Variants in PTK2B observed in about 807,000 individuals in gnomAD.
PTK2B encodes the protein protein tyrosine kinase 2 beta.
A neutral mutation model predicts 142.9 loss-of-function variants in PTK2B; 71 were observed. The ratio of observed to expected loss-of-function variants is 0.50; its 90% CI spans 0.41 to 0.61. The LOEUF (loss-of-function observed/expected upper bound fraction) is 0.61. Ranked by LOEUF, PTK2B falls within the 20% of genes least tolerant of loss-of-function variation. The probability of loss-of-function intolerance (pLI) is 0.00; values close to 1 mark genes in which losing one functional copy is unlikely to be tolerated. For synonymous variants in PTK2B, 519 were observed against 503.4 expected (o/e 1.03, Z -0.42); for missense variants, 1,105 against 1,320.4 (o/e 0.84, Z 2.53).
At chr8:27,343,592 C>A (rs1236119754) in intron 1 of PTK2B, among the ~76,000 whole-genome samples, 1 of 152,242 alleles carries the variant, frequency 6.6e-6, no homozygotes, top group Non-Finnish European at 1.5e-5. Flanking sequence ...ACAGAATGCA[C>A]CTTCAGCCAG....
In PTK2B at chr8:27,440,369, C is replaced by A. The variant is rs562893825; in HGVS notation, c.1967C>A (p.Thr656Asn). 1.2e-6 allele frequency: 2 copies of A among 1,614,200 alleles called. No homozygotes were observed. The highest frequency in any genetic ancestry group is 1.3e-5 in the African/African-American group (1 of 75,044). The change falls in exon 21 of 31, where the codon ACC (threonine) becomes AAC (asparagine). Residue 656 changes from threonine to asparagine, a missense_variant. Transcript: ENST00000346049. Reference protein sequence around the residue: ...KPDLCPPVLYTLMTRCWDYDP... With the variant: ...KPDLCPPVLYNLMTRCWDYDP... The stretch of plus-strand genomic sequence containing the variant: ...GATCTCTGTCCACCGGTCCTTTATA[C>A]CCTCATGACCCGCTGCTGGGACTAC...
At chr8:27,355,180 G>T (rs1228339430) in intron 1 of PTK2B, among the ~76,000 whole-genome samples, 1 of 152,230 alleles carries the variant, frequency 6.6e-6, no homozygotes, top group Non-Finnish European at 1.5e-5. Context: ...ATGCAATTAA[G>T]TTAAGGATAG....
chr8:27,382,690 G>C (rs1011171868), intron 1 of PTK2B, among the ~76,000 whole-genome samples: 1 of 152,020 alleles, frequency 6.6e-6, no homozygotes, highest in Non-Finnish European at 1.5e-5. Context: ...TTATAGTTTT[G>C]AATCTCACAT....
chr8:27,326,718 G>C (rs1803441316), intron 1 of PTK2B: 1 of 152,950 alleles, frequency 6.5e-6, no homozygotes, highest in South Asian at 2.1e-4. Context: ...AACCACTCTG[G>C]GGGAGGGGGA....
At chr8:27,337,604 T>C (rs28834970) in intron 1 of PTK2B, among the ~76,000 whole-genome samples, 48,410 of 152,126 alleles carry the variant, frequency 0.32, 8,173 homozygotes, top group South Asian at 0.52. Context: ...AGTGGAATTG[T>C]ACAACACTGT....
intron 2 of PTK2B, among the ~76,000 whole-genome samples, chr8:27,400,954 T>C (rs560103120): frequency 6.6e-6 from 1 of 151,426 alleles, no homozygotes; most frequent in Non-Finnish European, 1.5e-5. Context: ...GAGACCAGCC[T>C]GGCCAACATA....
intron 1 of PTK2B, among the ~76,000 whole-genome samples, chr8:27,378,576 A>T (rs915468208): frequency 4.6e-5 from 7 of 151,232 alleles, no homozygotes; most frequent in African/African-American, 1.7e-4. Context: ...CACATGATTC[A>T]AGAGTATAAA....
intron 1 of PTK2B, among the ~76,000 whole-genome samples, chr8:27,358,873 T>A: frequency 6.6e-6 from 1 of 152,168 alleles, no homozygotes; most frequent in East Asian, 1.9e-4. Context: ...TTCTATTATT[T>A]TAATTTTTTA....
At chr8:27,451,562 G>C in intron 27 of PTK2B, 53 bp downstream of exon 27, 1 of 1,613,252 alleles carries the variant, frequency 6.2e-7, no homozygotes, top group Non-Finnish European at 8.5e-7. Context: ...CTTGTGCAGA[G>C]CCACCATCCT....
intron 2 of PTK2B, among the ~76,000 whole-genome samples, chr8:27,312,749 C>A (rs1293212151): frequency 6.6e-6 from 1 of 152,116 alleles, no homozygotes; most frequent in Non-Finnish European, 1.5e-5. Context: ...TTTCCTAAAG[C>A]CAGTCTTGAA....
rs992516731 is a variant in PTK2B at position 27,431,085 on chromosome 8, G to A, written c.810+69G>A. 4.9e-5 allele frequency: 76 copies of A among 1,566,328 alleles called. 1 individual carries two copies. The Admixed American group carries it at 8.5e-4, about 18-fold the overall frequency. Reference sequence around the variant, plus strand: ...GGCCTCTCGGAAAAGGGGGCCAGGAGGGGGCAGGGAGAGGCTGCAATCGCT... The same window carrying A: ...GGCCTCTCGGAAAAGGGGGCCAGGAAGGGGCAGGGAGAGGCTGCAATCGCT... On this transcript the variant is annotated intron_variant, in intron 8 of 30. Transcript: ENST00000346049.
rs145407544 is a variant in PTK2B at position 27,327,568 on chromosome 8, A to C, written c.-38+1887A>C. On this transcript the variant is annotated intron_variant, in intron 1 of 30. Coordinates refer to ENST00000346049, the MANE Select transcript of PTK2B (RefSeq NM_173176.3). ...AAGCTGAGGTTGGCGCAATGCTGTG[A>C]AGTAAAGGCTGGAAACTGCCCAGGC... Among the ~76,000 whole-genome samples, 1,172 of 152,340 alleles carry C rather than the reference A, an allele frequency of 7.7e-3. 14 individuals are homozygous for C. Among genetic ancestry groups the C allele is most frequent in the African/African-American group, 0.027 (1,107 of 41,572 alleles).
At chr8:27,344,307 A>G (rs1022309016) in intron 1 of PTK2B, among the ~76,000 whole-genome samples, 2 of 152,198 alleles carry the variant, frequency 1.3e-5, no homozygotes, top group Admixed American at 6.5e-5. Flanking sequence ...TATTCACACT[A>G]TATCAGCAAG....
chr8:27,454,137 C>T lies in PTK2B; in HGVS notation c.2596-17C>T. The T allele has an allele frequency of 6.2e-7, 1 of 1,613,902 alleles. No homozygotes were observed. Among genetic ancestry groups the T allele is most frequent in the Non-Finnish European group, 8.5e-7 (1 of 1,179,946 alleles). ...TGGCTCTCCCCAACTCACTGGCCAC[C>T]TGCGTCTTCCCCTCAGTCCATCCAG... On this transcript the variant is annotated splice_polypyrimidine_tract_variant and intron_variant, in intron 28 of 30. Coordinates refer to ENST00000346049, the MANE Select transcript of PTK2B (RefSeq NM_173176.3).
intron 1 of PTK2B, among the ~76,000 whole-genome samples, chr8:27,387,388 T>C (rs914569176): frequency 6.6e-6 from 1 of 152,204 alleles, no homozygotes; most frequent in Non-Finnish European, 1.5e-5. Flanking sequence ...AATGTGAAGC[T>C]CCTCTTCCTC....
chr8:27,397,768 A>C lies in PTK2B; in HGVS notation c.184A>C (p.Thr62Pro). The C allele has an allele frequency of 6.2e-7, 1 of 1,614,228 alleles. No individual in the cohort carries two copies. Among genetic ancestry groups the C allele is most frequent in the Non-Finnish European group, 8.5e-7 (1 of 1,180,020 alleles). Reference protein sequence around the residue: ...PGKNFKLVKCTVQTEIREIIT... With the variant: ...PGKNFKLVKCPVQTEIREIIT... ...GAAAAACTTCAAACTGGTCAAATGC[A>C]CTGTCCAGACGGAGATCCGGGTAAG... The change falls in exon 2 of 31, where the codon ACT becomes CCT. Residue 62 changes from threonine (T) to proline (P), a missense_variant. Transcript: ENST00000346049.
chr8:27,442,971 A>T lies in PTK2B; in HGVS notation c.2136A>T (p.Glu712Asp), dbSNP rs762683622. 4.3e-6 allele frequency: 7 copies of T among 1,613,476 alleles called. No homozygotes were observed. In the African/African-American group the frequency reaches 9.3e-5, roughly 22 times the overall value. The change falls in exon 22 of 31, where the codon GAA (glutamate) becomes GAT (aspartate). Residue 712 changes from glutamate (E) to aspartate (D), a missense_variant. By Grantham distance (45) the Glu-to-Asp change is conservative. Transcript: ENST00000346049. ...PKILEPTAFQ[E>D]PPPKPSRPKY... ...TCTTGGAGCCCACAGCCTTCCAGGA[A>T]CCCCCACCCAAGGTAAGCCAAGCCA... is the stretch of plus-strand genomic sequence containing the variant.
chr8:27,383,714 C>A (rs375071192), intron 1 of PTK2B, among the ~76,000 whole-genome samples: 19 of 152,166 alleles, frequency 1.2e-4, no homozygotes, highest in African/African-American at 4.3e-4. Context: ...TAGATAAGGT[C>A]TCACTCTGTT....
At chr8:27,346,318 T>G (rs541724708) in intron 1 of PTK2B, among the ~76,000 whole-genome samples, 1 of 152,244 alleles carries the variant, frequency 6.6e-6, no homozygotes, top group South Asian at 2.1e-4. Flanking sequence ...GGCAGATCGT[T>G]TGAACCAGGA....
Sources: gnomAD v4.1 joint callset for allele counts (sites outside exome capture counted in the v4.1 genomes callset) on GRCh38, gnomAD v4.1.1 for gene constraint, MANE v1.5 for transcripts, NCBI Gene and HGNC (gene_info 2026-07-23, HGNC 2026-07-21) for gene names.